TAFA5: variants seen among roughly 807,000 people sequenced by gnomAD.
The protein encoded by TAFA5 is TAFA chemokine like family member 5.
Under a neutral mutation model 15.3 loss-of-function variants are expected in TAFA5, and 6 were observed. That is an observed-to-expected ratio of 0.39 (90% CI 0.21 to 0.77). TAFA5 has a LOEUF of 0.77. TAFA5 is among the 30% of genes least tolerant of loss of function. The pLI is 0.41. For missense variants in TAFA5, 161 were observed against 193.1 expected (o/e 0.83, Z 0.98); for synonymous variants, 103 against 80.7 (o/e 1.28, Z -1.48).
At chr22:48,680,490 C>CGGG (rs3059739) in intron 2 of TAFA5, among the ~76,000 whole-genome samples, 3,544 of 151,704 alleles carry the variant, frequency 0.023, 142 homozygotes, top group African/African-American at 0.082. Flanking sequence ...TAAGAGGTGA[C>CGGG]GGCAGCACAC....
chr22:48,514,501 G>A (rs547326141), intron 1 of TAFA5, among the ~76,000 whole-genome samples: 9 of 152,152 alleles, frequency 5.9e-5, no homozygotes, highest in African/African-American at 9.7e-5. Context: ...AGGTGGCCGC[G>A]GCTCCTGGCC....
At chr22:48,722,374 T>A (rs1462268373) in intron 3 of TAFA5, among the ~76,000 whole-genome samples, 1 of 152,150 alleles carries the variant, frequency 6.6e-6, no homozygotes, top group Non-Finnish European at 1.5e-5. Context: ...TACTATGCAG[T>A]CATAAAAAAG....
intron 3 of TAFA5, among the ~76,000 whole-genome samples, chr22:48,735,945 T>C (rs10439944): frequency 0.43 from 22,594 of 52,920 alleles, 4,762 homozygotes; most frequent in Admixed American, 0.51. Context: ...ATCGCACTCC[T>C]AGAGTCCAGA....
chr22:48,634,654 C>T lies in TAFA5; in HGVS notation c.113-11943C>T, dbSNP rs182121063. Among the ~76,000 whole-genome samples the T allele has an allele frequency of 3.2e-3, 481 of 150,428 alleles. 2 individuals carry two copies. The highest frequency in any genetic ancestry group is 6.0e-3 in the Non-Finnish European group (407 of 67,364). ...TCGGTCATTTACTCAGTCATTCACT[C>T]ACTCACTCACTCACTGAGTCACTCA... is the stretch of plus-strand genomic sequence containing the variant. On this transcript the variant is annotated intron_variant, in intron 1 of 3. Transcript: ENST00000402357.
In TAFA5 at chr22:48,722,001, C is replaced by CGT. The variant is rs199904134; in HGVS notation, c.390+14168_390+14169dup. On this transcript the variant is annotated intron_variant, in intron 3 of 3. Coordinates refer to ENST00000402357, the MANE Select transcript of TAFA5 (RefSeq NM_001082967.3). ...GAAAAAAAAAAATTTAATAAACATA[C>CGT]GTGTGTGTGTGTCTTTATAGTAGAA... 8.1e-3 allele frequency among the ~76,000 whole-genome samples: 1,234 copies of CGT among 152,034 alleles called. 15 individuals carry two copies. Among genetic ancestry groups the CGT allele is most frequent in the African/African-American group, 0.028 (1,156 of 41,434 alleles).
rs564579864 is a variant in TAFA5, at chr22:48,735,621, A to T, written c.391-14218A>T. Among the ~76,000 whole-genome samples, 3 of 152,306 alleles carry T rather than the reference A, an allele frequency of 2.0e-5. 1 individual carries two copies. The South Asian group carries it at 6.2e-4, about 32-fold the overall frequency. On this transcript the variant is annotated intron_variant, in intron 3 of 3. Coordinates refer to ENST00000402357, the MANE Select transcript of TAFA5 (RefSeq NM_001082967.3). ...TCTGGAAAGCAGAAAGCAGTTAGGC[A>T]CTCTGTGGAGAGAATCTGAAATTTG...
At chr22:48,657,380 A>C (rs1468749829) in intron 2 of TAFA5, among the ~76,000 whole-genome samples, 1 of 152,236 alleles carries the variant, frequency 6.6e-6, no homozygotes, top group East Asian at 1.9e-4. Context: ...ACAAGGAATG[A>C]GTTATCAAAA....
chr22:48,502,086 G>A (rs542063392), intron 1 of TAFA5, among the ~76,000 whole-genome samples: 2 of 152,332 alleles, frequency 1.3e-5, no homozygotes, highest in South Asian at 2.1e-4. Context: ...CTACCATGAC[G>A]GTTTTCACCT....
chr22:48,497,162 C>T (rs1928357512), intron 1 of TAFA5, among the ~76,000 whole-genome samples: 1 of 152,230 alleles, frequency 6.6e-6, no homozygotes, highest in African/African-American at 2.4e-5. Context: ...TCAGCCCTGC[C>T]AGGGACCATG....
At chr22:48,610,251 G>A (rs750601220) in intron 1 of TAFA5, among the ~76,000 whole-genome samples, 38 of 152,074 alleles carry the variant, frequency 2.5e-4, no homozygotes, top group African/African-American at 3.4e-4. Flanking sequence ...AGGACAGGCC[G>A]GAGGCTGCAT....
intron 1 of TAFA5, among the ~76,000 whole-genome samples, chr22:48,644,940 C>CT (rs1342776149): frequency 6.6e-6 from 1 of 152,252 alleles, no homozygotes; most frequent in Non-Finnish European, 1.5e-5. Flanking sequence ...TCCCCACAGG[C>CT]TGGGAGCCCT....
chr22:48,606,848 G>A (rs558650605), intron 1 of TAFA5, among the ~76,000 whole-genome samples: 1 of 152,332 alleles, frequency 6.6e-6, no homozygotes, highest in East Asian at 1.9e-4. Flanking sequence ...CAGACGCTGG[G>A]GTTCTGAGCC....
At chr22:48,691,092 G>A (rs1333921761) in intron 2 of TAFA5, among the ~76,000 whole-genome samples, 3 of 152,178 alleles carry the variant, frequency 2.0e-5, no homozygotes, top group African/African-American at 4.8e-5. Flanking sequence ...CCCTGAGGCC[G>A]CAGCGGCCGG....
chr22:48,610,551 G>A (rs962600735), intron 1 of TAFA5, among the ~76,000 whole-genome samples: 4 of 137,848 alleles, frequency 2.9e-5, no homozygotes, highest in Non-Finnish European at 5.0e-5. Context: ...GGGCAGGCTC[G>A]CAGGCAGCTC....
intron 1 of TAFA5, among the ~76,000 whole-genome samples, chr22:48,541,127 C>A (rs1055946155): frequency 2.0e-5 from 3 of 152,154 alleles, no homozygotes; most frequent in Non-Finnish European, 4.4e-5. Context: ...CAAGACTTTG[C>A]GCCTCCTGGG....
At chr22:48,638,759 CGGG>C (rs1926560930) in intron 1 of TAFA5, among the ~76,000 whole-genome samples, 1 of 109,824 alleles carries the variant, frequency 9.1e-6, no homozygotes, top group African/African-American at 4.6e-5. Flanking sequence ...CACACACAGG[CGGG>C]ACCCCCCCCA....
intron 1 of TAFA5, among the ~76,000 whole-genome samples, chr22:48,629,463 A>C (rs73429930): frequency 0.082 from 12,483 of 152,236 alleles, 816 homozygotes; most frequent in African/African-American, 0.18. Flanking sequence ...CTGGGCCCCA[A>C]CCCTCGCTGC....
At chr22:48,547,591 C>T (rs560069322) in intron 1 of TAFA5, among the ~76,000 whole-genome samples, 108 of 152,304 alleles carry the variant, frequency 7.1e-4, no homozygotes, top group African/African-American at 2.4e-3. Context: ...GGGAGAGCCG[C>T]TCGTGTTCAG....
At chr22:48,576,693 C>G in intron 1 of TAFA5, 2 of 1,149,988 alleles carry the variant, frequency 1.7e-6, no homozygotes, top group Non-Finnish European at 2.2e-6. Flanking sequence ...GCTCGTGGAG[C>G]GCCACTGCGG....
Sources: allele counts gnomAD v4.1 joint callset (sites outside exome capture counted in the v4.1 genomes callset), GRCh38; gene constraint gnomAD v4.1.1; transcripts MANE v1.5; gene names NCBI Gene and HGNC (gene_info 2026-07-23, HGNC 2026-07-21).